XYLT1: variants seen among roughly 807,000 people sequenced by gnomAD.
XYLT1 encodes the protein xylosyltransferase 1.
XYLT1 carries 36 observed loss-of-function variants against 91.3 expected under a neutral mutation model. The ratio of observed to expected loss-of-function variants is 0.39; its 90% CI spans 0.30 to 0.52. XYLT1 has a LOEUF of 0.52. XYLT1 is among the 20% of genes least tolerant of loss of function. The pLI is 0.68. For missense variants in XYLT1, 1,242 were observed against 1,284.5 expected (o/e 0.97, Z 0.51); for synonymous variants, 588 against 532.0 (o/e 1.11, Z -1.45).
intron 3 of XYLT1, among the ~76,000 whole-genome samples, chr16:17,209,375 T>G (rs1364131229): frequency 6.6e-6 from 1 of 152,250 alleles, no homozygotes; most frequent in Non-Finnish European, 1.5e-5. Context: ...ACTGTATGCA[T>G]ATAGCACAAT....
chr16:17,334,490 C>T (rs947889946), intron 2 of XYLT1, among the ~76,000 whole-genome samples: 11 of 151,742 alleles, frequency 7.2e-5, no homozygotes, highest in Non-Finnish European at 1.3e-4. Flanking sequence ...CTTCTCCATA[C>T]CTTCCACCTA....
intron 5 of XYLT1, among the ~76,000 whole-genome samples, chr16:17,161,295 G>A (rs895661404): frequency 6.6e-6 from 1 of 152,212 alleles, no homozygotes; most frequent in South Asian, 2.1e-4. Context: ...CATCTTGGGG[G>A]AGGGAGGGTG....
intron 1 of XYLT1, among the ~76,000 whole-genome samples, chr16:17,447,990 G>A (rs1327429276): frequency 1.3e-5 from 2 of 152,214 alleles, no homozygotes; most frequent in South Asian, 4.1e-4. Context: ...GCAAAAGGGT[G>A]TGTGCTGAAA....
intron 1 of XYLT1, among the ~76,000 whole-genome samples, chr16:17,436,239 G>A (rs1296644422): frequency 6.6e-6 from 1 of 152,122 alleles, no homozygotes; most frequent in Non-Finnish European, 1.5e-5. Context: ...CTCAGTCTCG[G>A]GTATGTCTTT....
intron 2 of XYLT1, among the ~76,000 whole-genome samples, chr16:17,325,863 T>C (rs2034793063): frequency 6.6e-6 from 1 of 152,200 alleles, no homozygotes; most frequent in Non-Finnish European, 1.5e-5. Flanking sequence ...TTAAATTAGC[T>C]CATCATTTCT....
At chr16:17,156,656 A>G (rs1217302091) in intron 6 of XYLT1, among the ~76,000 whole-genome samples, 1 of 152,222 alleles carries the variant, frequency 6.6e-6, no homozygotes, top group Non-Finnish European at 1.5e-5. Context: ...GTGAAAACAA[A>G]TATGGATCCT....
At chr16:17,267,015 G>A (rs1333751478) in intron 2 of XYLT1, among the ~76,000 whole-genome samples, 3 of 152,222 alleles carry the variant, frequency 2.0e-5, no homozygotes, top group South Asian at 4.1e-4. Flanking sequence ...CGTGGACCAC[G>A]CTGGACGCAG....
rs1206335148 is a variant in XYLT1, at chr16:17,108,935, G to A, written c.2640C>T (p.Ser880=). 1.8e-5 allele frequency: 29 copies of A among 1,598,438 alleles called. No homozygotes were observed. In the East Asian group the frequency reaches 6.1e-4, roughly 33 times the overall value. ...CCACCTGGGCGGGGTTGATGGGCAG[G>A]CTGAGGACGGGGTTTAGGCTCTGGA... is the stretch of plus-strand genomic sequence containing the variant. ...QSFQSLNPVL[S]LPINPAQVEQ... Residue 880 remains serine, a synonymous_variant, in exon 12 of 12, where the codon AGC becomes AGT. Coordinates refer to ENST00000261381, the MANE Select transcript of XYLT1 (RefSeq NM_022166.4).
intron 1 of XYLT1, 123 bp downstream of exon 1, chr16:17,470,311 T>G: frequency 1.8e-6 from 2 of 1,120,490 alleles, no homozygotes; most frequent in Non-Finnish European, 2.2e-6. Flanking sequence ...CAAGAGGCGA[T>G]GTGGAGTCGG....
chr16:17,428,599 A>C (rs1429878467), intron 1 of XYLT1, among the ~76,000 whole-genome samples: 1 of 152,196 alleles, frequency 6.6e-6, no homozygotes, highest in East Asian at 1.9e-4. Context: ...TGGTCTCTCC[A>C]AAAGTGCTAA....
At chr16:17,130,892 G>C (rs199529896) in intron 9 of XYLT1, among the ~76,000 whole-genome samples, 1 of 151,756 alleles carries the variant, frequency 6.6e-6, no homozygotes, top group South Asian at 2.1e-4. Flanking sequence ...GCCCCCTTTT[G>C]TTTCCTGCTA....
intron 3 of XYLT1, among the ~76,000 whole-genome samples, chr16:17,222,709 G>C (rs1023270596): frequency 4.8e-5 from 7 of 146,616 alleles, no homozygotes; most frequent in African/African-American, 1.8e-4. Context: ...AGAATCAATT[G>C]AACCCGGGAG....
intron 2 of XYLT1, among the ~76,000 whole-genome samples, chr16:17,309,124 T>G (rs1427904119): frequency 6.6e-6 from 1 of 152,200 alleles, no homozygotes; most frequent in African/African-American, 2.4e-5. Context: ...CGCAAGGGTC[T>G]ACAACACAGT....
chr16:17,115,873 A>G (rs188605179), intron 11 of XYLT1, among the ~76,000 whole-genome samples: 9 of 150,128 alleles, frequency 6.0e-5, no homozygotes, highest in African/African-American at 2.2e-4. Context: ...ATCAGCAGCA[A>G]CAACAGAAAC....
chr16:17,422,542 CTCTG>C (rs2036262772), intron 1 of XYLT1, among the ~76,000 whole-genome samples: 2 of 152,122 alleles, frequency 1.3e-5, no homozygotes, highest in African/African-American at 4.8e-5. Context: ...CAGAGTCTTA[CTCTG>C]TCACCCAGGC....
At chr16:17,210,420 T>C (rs1264833718) in intron 3 of XYLT1, among the ~76,000 whole-genome samples, 4 of 152,012 alleles carry the variant, frequency 2.6e-5, no homozygotes, top group East Asian at 3.9e-4. Context: ...CTACTAAAAA[T>C]GCAAAAATGA....
chr16:17,275,893 A>G (rs1166224838), intron 2 of XYLT1, among the ~76,000 whole-genome samples: 1 of 152,186 alleles, frequency 6.6e-6, no homozygotes, highest in African/African-American at 2.4e-5. Flanking sequence ...TGAATGGTTC[A>G]CTTGTAAGCT....
intron 1 of XYLT1, among the ~76,000 whole-genome samples, chr16:17,379,526 AGGTGTGGTG>A (rs2035644725): frequency 6.6e-6 from 1 of 152,136 alleles, no homozygotes; most frequent in African/African-American, 2.4e-5. Flanking sequence ...AAATTAGACA[AGGTGTGGTG>A]GGTGGGAGCA....
intron 2 of XYLT1, among the ~76,000 whole-genome samples, chr16:17,346,564 A>T (rs184972171): frequency 1.3e-5 from 2 of 152,330 alleles, no homozygotes; most frequent in Admixed American, 1.3e-4. Context: ...TAAAAAATTT[A>T]AAAATCTTCC....
Sources: gnomAD v4.1 joint callset for allele counts (sites outside exome capture counted in the v4.1 genomes callset) on GRCh38, gnomAD v4.1.1 for gene constraint, MANE v1.5 for transcripts, NCBI Gene and HGNC (gene_info 2026-07-23, HGNC 2026-07-21) for gene names.